Variants in PAQR3 observed in about 807,000 individuals in gnomAD.
PAQR3 encodes progestin and adipoQ receptor family member 3.
PAQR3 carries 39 observed loss-of-function variants against 41.7 expected under a neutral mutation model. The ratio of observed to expected loss-of-function variants is 0.93; its 90% CI spans 0.72 to 1.22. The LOEUF (loss-of-function observed/expected upper bound fraction) is 1.22. Among genes scored for constraint, PAQR3 ranks in the 50% most tolerant of loss-of-function variants. The pLI is 0.00. For synonymous variants in PAQR3, 140 were observed against 140.6 expected, an observed-to-expected ratio of 1.00 and a Z score of 0.03; for missense variants, 366 against 385.6, an observed-to-expected ratio of 0.95 and a Z score of 0.42.
At position 78,912,109 on chromosome 4, in the gene PAQR3, T is replaced by G. The variant is rs919303838; in HGVS notation, c.*8430A>C. The G allele has an allele frequency of 7.5e-7, 1 of 1,334,758 alleles. No homozygotes were observed. The highest frequency in any genetic ancestry group is 1.0e-6 in the Non-Finnish European group (1 of 964,062). 82.7% of individuals were successfully genotyped at this position (1,334,758 alleles called of 1,614,324 possible). A position where few individuals can be genotyped will look rare whatever the true frequency, so the allele number is the denominator to read the frequency against. ...CAGTTTTATGAATTTGAAAGAAAAT[T>G]TGGTAGCTCTTTATAGCATTCATTC... On this transcript the variant is annotated 3_prime_UTR_variant, in exon 6 of 6. Transcript: ENST00000512733.
At chr4:78,910,712 G>A (rs200678439), downstream of PAQR3, 395 of 1,613,230 alleles carry the variant, frequency 2.4e-4, 1 homozygote, top group Middle Eastern at 1.3e-3. Context: ...AAAGATCAGC[G>A]GACTGGAAAG....
At position 78,915,887 on chromosome 4, in the gene PAQR3, A is replaced by G. The variant is rs1349667487; in HGVS notation, c.*4652T>C. On this transcript the variant is annotated 3_prime_UTR_variant, in exon 6 of 6. Coordinates refer to ENST00000512733, the MANE Select transcript of PAQR3 (RefSeq NM_001040202.2). ...ATGCTCTTTTTGTGATTGAAAAGTC[A>G]TCTAATAGAAGCTGTATAGAAGCTA... 3 of 151,954 alleles carry G rather than the reference A, an allele frequency of 2.0e-5. No homozygotes were observed. Among genetic ancestry groups the G allele is most frequent in the Non-Finnish European group, 2.9e-5 (2 of 67,886 alleles). 9.4% of individuals were successfully genotyped at this position (151,954 alleles called of 1,614,324 possible). A position where few individuals can be genotyped will look rare whatever the true frequency, so the allele number is the denominator to read the frequency against.
At chr4:78,929,282 A>G (rs1736572398) in intron 3 of PAQR3, among the ~76,000 whole-genome samples, 1 of 152,318 alleles carries the variant, frequency 6.6e-6, no homozygotes, top group Middle Eastern at 3.4e-3. Flanking sequence ...CTTGGTTCTG[A>G]AAGGGAGGTA....
At chr4:78,890,618 C>T (rs1435453547) in intron 11 of PAQR3, among the ~76,000 whole-genome samples, 2 of 151,898 alleles carry the variant, frequency 1.3e-5, no homozygotes, top group Non-Finnish European at 2.9e-5. Context: ...TTTTTGTTTG[C>T]TTAGTTTTTT....
At position 78,903,702 on chromosome 4, in the gene PAQR3, T is replaced by A. The variant is rs554066914; in HGVS notation, c.*836+2406A>T. ...TAACCCTACAGAATATTAAAAAAAA[T>A]TTTTAATACAGGGTACTCATCATAC... On this transcript the variant is annotated intron_variant and NMD_transcript_variant, in intron 11 of 12. Transcript: ENST00000342820. Among the ~76,000 whole-genome samples the A allele has an allele frequency of 2.0e-4, 30 of 152,008 alleles. 1 individual carries two copies. The highest frequency in any genetic ancestry group is 5.8e-4 in the East Asian group (3 of 5,184).
chr4:78,935,853 GTTCT>G (rs764824688), intron 1 of PAQR3, among the ~76,000 whole-genome samples: 104 of 152,306 alleles, frequency 6.8e-4, no homozygotes, highest in South Asian at 1.2e-3. Context: ...CATTGGAAAG[GTTCT>G]TTAAGATAGG....
intron 1 of PAQR3, among the ~76,000 whole-genome samples, chr4:78,938,833 T>C (rs1197720727): frequency 6.6e-6 from 1 of 151,806 alleles, no homozygotes; most frequent in African/African-American, 2.4e-5. Flanking sequence ...TGATCACTGT[T>C]ACTATCATGA....
At chr4:78,900,614 AC>A (rs1733949372) in intron 11 of PAQR3, among the ~76,000 whole-genome samples, 2 of 152,216 alleles carry the variant, frequency 1.3e-5, no homozygotes, top group Non-Finnish European at 2.9e-5. Context: ...GGCCTACCTT[AC>A]TTTGGCCACA....
downstream of PAQR3, among the ~76,000 whole-genome samples, chr4:78,909,611 T>C (rs368383007): frequency 1.3e-5 from 2 of 152,192 alleles, no homozygotes; most frequent in African/African-American, 4.8e-5. Flanking sequence ...CCATTGCTTT[T>C]ATTGGAAGCT....
chr4:78,904,319 G>C (rs1331579634), intron 11 of PAQR3, among the ~76,000 whole-genome samples: 1 of 151,834 alleles, frequency 6.6e-6, no homozygotes. Context: ...AGGGAGATAA[G>C]AGGTAATATA....
intron 11 of PAQR3, among the ~76,000 whole-genome samples, chr4:78,902,469 T>C (rs1734058940): frequency 6.8e-6 from 1 of 147,822 alleles, no homozygotes; most frequent in Admixed American, 6.6e-5. Flanking sequence ...CCTAATCCAC[T>C]AATCCTTGTG....
At chr4:78,927,032 A>G (rs1736306395) in intron 3 of PAQR3, among the ~76,000 whole-genome samples, 1 of 152,334 alleles carries the variant, frequency 6.6e-6, no homozygotes, top group South Asian at 2.1e-4. Flanking sequence ...GGACTCTCCC[A>G]GCAGTCAGCT....
chr4:78,919,285 G>T lies in PAQR3; in HGVS notation c.*1254C>A. On this transcript the variant is annotated 3_prime_UTR_variant, in exon 6 of 6. Coordinates refer to ENST00000512733, the MANE Select transcript of PAQR3 (RefSeq NM_001040202.2). ...CATGTCAACTCATGAAGAAACTTGGGTAATATTTTATACTCCAATAAACAA... is the reference window on the plus strand; with the variant it reads ...CATGTCAACTCATGAAGAAACTTGGTTAATATTTTATACTCCAATAAACAA... The T allele has an allele frequency of 1.0e-6, 1 of 984,346 alleles. No individual in the cohort carries two copies. The highest frequency in any genetic ancestry group is 1.2e-6 in the Non-Finnish European group (1 of 829,124). 61.0% of individuals were successfully genotyped at this position (984,346 alleles called of 1,614,324 possible). A position where few individuals can be genotyped will look rare whatever the true frequency, so the allele number is the denominator to read the frequency against.
At chr4:78,894,880 A>T (rs1484695016) in intron 11 of PAQR3, among the ~76,000 whole-genome samples, 2 of 152,204 alleles carry the variant, frequency 1.3e-5, no homozygotes, top group African/African-American at 4.8e-5. Flanking sequence ...TGGGGTTATT[A>T]ATTGGCCTAA....
downstream of PAQR3, among the ~76,000 whole-genome samples, chr4:78,908,129 C>G (rs1404322083): frequency 6.6e-6 from 1 of 152,196 alleles, no homozygotes; most frequent in Non-Finnish European, 1.5e-5. Flanking sequence ...ATAACAAATA[C>G]AGCATGTAGC....
At chr4:78,924,755 C>T (rs1206133475) in intron 4 of PAQR3, among the ~76,000 whole-genome samples, 2 of 151,466 alleles carry the variant, frequency 1.3e-5, no homozygotes, top group African/African-American at 2.4e-5. Context: ...GTGGTGCACA[C>T]CTATAGTCCT....
chr4:78,911,250 G>T (rs762795615), downstream of PAQR3: 2 of 1,613,852 alleles, frequency 1.2e-6, no homozygotes, highest in Non-Finnish European at 1.7e-6. Flanking sequence ...TCACAAAGGC[G>T]CCTTTTAGCA....
At chr4:78,928,506 A>C (rs1032430103) in intron 3 of PAQR3, among the ~76,000 whole-genome samples, 1 of 152,236 alleles carries the variant, frequency 6.6e-6, no homozygotes. Flanking sequence ...CTCTTCACTA[A>C]TTTTCATACC....
intron 11 of PAQR3, among the ~76,000 whole-genome samples, chr4:78,905,488 A>G (rs1247265273): frequency 6.6e-6 from 1 of 151,956 alleles, no homozygotes; most frequent in Non-Finnish European, 1.5e-5. Flanking sequence ...TAAATGAGTT[A>G]TGATTCTGTG....
Sources: allele counts gnomAD v4.1 joint callset (sites outside exome capture counted in the v4.1 genomes callset), GRCh38; gene constraint gnomAD v4.1.1; transcripts MANE v1.5; gene names NCBI Gene and HGNC (gene_info 2026-07-23, HGNC 2026-07-21).